The following NPEPPS variants were observed in gnomAD, a reference collection of about 807,000 sequenced individuals.
The protein encoded by NPEPPS is aminopeptidase puromycin sensitive.
In NPEPPS, 14 loss-of-function variants were observed where a neutral mutation model predicts 115.5. That is an observed-to-expected ratio of 0.12 (90% CI 0.08 to 0.19). The LOEUF is 0.19. NPEPPS is among the 10% of genes least tolerant of loss of function. NPEPPS has a pLI of 1.00. For synonymous variants in NPEPPS, 285 were observed against 390.6 expected (o/e 0.73, Z 3.19); for missense variants, 523 against 1,110.8 (o/e 0.47, Z 7.52).
intron 2 of NPEPPS, among the ~76,000 whole-genome samples, chr17:47,562,674 A>G (rs1433241593): frequency 6.6e-6 from 1 of 151,594 alleles, no homozygotes; most frequent in African/African-American, 2.4e-5. Flanking sequence ...AAAAAGGGAA[A>G]TGTAATAAGG....
intron 3 of NPEPPS, among the ~76,000 whole-genome samples, chr17:47,577,819 T>C (rs1244486485): frequency 1.3e-5 from 2 of 152,146 alleles, no homozygotes; most frequent in African/African-American, 4.8e-5. Flanking sequence ...CATTCACTTA[T>C]TCTGTAGACT....
intron 1 of NPEPPS, among the ~76,000 whole-genome samples, chr17:47,536,666 A>C (rs1908310920): frequency 7.5e-6 from 1 of 134,176 alleles, no homozygotes; most frequent in African/African-American, 2.9e-5. Context: ...AAGTGCTGGG[A>C]TTATGGGCGT....
chr17:47,538,714 G>C (rs1403433169), intron 1 of NPEPPS, among the ~76,000 whole-genome samples: 3 of 151,558 alleles, frequency 2.0e-5, no homozygotes, highest in Non-Finnish European at 4.4e-5. Context: ...ATTTTTAGTA[G>C]AGAAGGGGTT....
chr17:47,568,296 G>A (rs1185534971), intron 2 of NPEPPS, among the ~76,000 whole-genome samples: 6 of 151,864 alleles, frequency 4.0e-5, no homozygotes, highest in South Asian at 2.1e-4. Flanking sequence ...TCAGTCTCCC[G>A]CATAGCTGGG....
chr17:47,536,254 A>C (rs1281211670), intron 1 of NPEPPS, among the ~76,000 whole-genome samples: 1 of 152,162 alleles, frequency 6.6e-6, no homozygotes, highest in Non-Finnish European at 1.5e-5. Flanking sequence ...TACATGTTGG[A>C]GATAACTAAA....
At chr17:47,603,564 G>C (rs1033532960) in intron 15 of NPEPPS, 4 of 168,916 alleles carry the variant, frequency 2.4e-5, no homozygotes, top group Admixed American at 1.3e-4. Flanking sequence ...GTTTGTAAAG[G>C]CCTAAGCTTT....
At chr17:47,558,086 G>A (rs111714571) in intron 2 of NPEPPS, among the ~76,000 whole-genome samples, 2 of 151,432 alleles carry the variant, frequency 1.3e-5, no homozygotes, top group African/African-American at 4.9e-5. Flanking sequence ...GCCACCACAC[G>A]TGGCTCATTT....
At chr17:47,563,712 A>C (rs1463666745) in intron 2 of NPEPPS, among the ~76,000 whole-genome samples, 4 of 151,962 alleles carry the variant, frequency 2.6e-5, no homozygotes, top group African/African-American at 9.7e-5. Flanking sequence ...CTGGGACTAT[A>C]GGCACGTGCC....
At chr17:47,619,461 G>C in intron 21 of NPEPPS, 2 of 511,726 alleles carry the variant, frequency 3.9e-6, no homozygotes, top group Non-Finnish European at 7.0e-6. Flanking sequence ...GGCTGAGGCA[G>C]GAGAATCGCT....
intron 1 of NPEPPS, among the ~76,000 whole-genome samples, chr17:47,535,711 A>C (rs1288979408): frequency 1.3e-5 from 2 of 150,796 alleles, no homozygotes; most frequent in African/African-American, 4.9e-5. Context: ...ACTTTTGTAG[A>C]TATTTCATAT....
chr17:47,616,350 C>T (rs1194650633), intron 19 of NPEPPS, among the ~76,000 whole-genome samples: 1 of 151,914 alleles, frequency 6.6e-6, no homozygotes, highest in Non-Finnish European at 1.5e-5. Context: ...GAGTTCAAGA[C>T]CAGCCTGGGC....
At chr17:47,538,747 C>T (rs1244974040) in intron 1 of NPEPPS, among the ~76,000 whole-genome samples, 1 of 151,930 alleles carries the variant, frequency 6.6e-6, no homozygotes, top group East Asian at 1.9e-4. Context: ...CCAGGCTGGT[C>T]TCGAACTCCT....
chr17:47,597,239 A>G (rs1407097004), intron 13 of NPEPPS, among the ~76,000 whole-genome samples: 2 of 152,124 alleles, frequency 1.3e-5, no homozygotes, highest in African/African-American at 2.4e-5. Context: ...TAGGATTGCA[A>G]TTCATTAATT....
At position 47,545,957 on chromosome 17, in the gene NPEPPS, A is replaced by T. The variant is rs1909168721; in HGVS notation, c.304A>T (p.Ile102Phe). 2 of 1,559,858 alleles carry T rather than the reference A, an allele frequency of 1.3e-6. No individual in the cohort carries two copies. The highest frequency in any genetic ancestry group is 2.3e-5 in the South Asian group (2 of 85,268). Residue 102 changes from isoleucine (I) to phenylalanine (F), a missense_variant, in exon 2 of 23, where the codon ATT becomes TTT. Transcript: ENST00000322157. Reference sequence around the variant, plus strand: ...TGTGATGAATTGTGCTGATATTGATATTATTACAGCTTCATATGCACCAGA... The same window carrying T: ...TGTGATGAATTGTGCTGATATTGATTTTATTACAGCTTCATATGCACCAGA... ...QIVMNCADID[I>F]ITASYAPEGD...
intron 1 of NPEPPS, among the ~76,000 whole-genome samples, chr17:47,541,033 A>T (rs1908716693): frequency 6.6e-6 from 1 of 152,200 alleles, no homozygotes. Context: ...TTTCCCTTAA[A>T]CACAGGAGGA....
rs574167557 is a variant in NPEPPS at position 47,558,059 on chromosome 17, T to C, written c.341-11358T>C. On this transcript the variant is annotated intron_variant, in intron 2 of 22. Transcript: ENST00000322157. ...CTTGTGCCTCAGCCTCCCGAGTAGC[T>C]GGGACTTCAGGTGTACGCCACCACA... Among the ~76,000 whole-genome samples the C allele has an allele frequency of 2.3e-3, 344 of 151,940 alleles. 1 individual carries two copies. The highest frequency in any genetic ancestry group is 0.014 in the Middle Eastern group (4 of 294).
intron 2 of NPEPPS, among the ~76,000 whole-genome samples, chr17:47,556,316 T>G (rs1183045184): frequency 6.6e-6 from 1 of 151,882 alleles, no homozygotes; most frequent in African/African-American, 2.4e-5. Context: ...AGCATCTGTT[T>G]AACAAAGCAC....
chr17:47,616,746 T>C (rs113841849), intron 19 of NPEPPS, among the ~76,000 whole-genome samples: 20,373 of 145,240 alleles, frequency 0.14, 1,810 homozygotes, highest in Non-Finnish European at 0.21. Flanking sequence ...GGTAACACCA[T>C]TGCACTCCAG....
intron 1 of NPEPPS, among the ~76,000 whole-genome samples, chr17:47,545,680 C>A (rs1307065427): frequency 6.6e-6 from 1 of 151,996 alleles, no homozygotes; most frequent in Admixed American, 6.6e-5. Context: ...TCCCGAGTAG[C>A]TGGGACTATA....
Sources: allele counts gnomAD v4.1 joint callset (sites outside exome capture counted in the v4.1 genomes callset), GRCh38; gene constraint gnomAD v4.1.1; transcripts MANE v1.5; gene names NCBI Gene and HGNC (gene_info 2026-07-23, HGNC 2026-07-21).